INPP5F: variants seen among roughly 807,000 people sequenced by gnomAD.
INPP5F encodes inositol polyphosphate-5-phosphatase F.
Under a neutral mutation model 137.2 loss-of-function variants are expected in INPP5F, and 97 were observed. The ratio of observed to expected loss-of-function variants is 0.71; its 90% CI spans 0.60 to 0.84. The LOEUF is 0.84. Ranked by LOEUF, INPP5F falls within the 40% of genes least tolerant of loss-of-function variation. The pLI is 0.00. For synonymous variants in INPP5F, 504 were observed against 476.9 expected (o/e 1.06, Z -0.74); for missense variants, 1,271 against 1,371.9 (o/e 0.93, Z 1.16).
chr10:119,745,799 G>T (rs1197495240), intron 1 of INPP5F, among the ~76,000 whole-genome samples: 2 of 149,670 alleles, frequency 1.3e-5, no homozygotes, highest in Non-Finnish European at 3.0e-5. Flanking sequence ...CCACCTCCTG[G>T]GTTCAAGCGA....
rs142050647 is a variant in INPP5F, at chr10:119,804,216, T to C, written c.1160T>C (p.Ile387Thr). 15 of 1,611,404 alleles carry C rather than the reference T, an allele frequency of 9.3e-6. No individual in the cohort carries two copies. The Admixed American group carries it at 1.3e-4, about 14-fold the overall frequency. The change falls in exon 10 of 20, where the codon ATT (isoleucine) becomes ACT (threonine). Residue 387 changes from isoleucine to threonine, a missense_variant. Physicochemically the swap from Ile to Thr is moderately conservative, Grantham distance 89. Coordinates refer to ENST00000650623, the MANE Select transcript of INPP5F (RefSeq NM_014937.4). ...GACCAGGCAGGAAGAGAGAAGATTA[T>C]TGGCGATGCTTACCTGAAGCAAGTG... ...LVDQAGREKI[I>T]GDAYLKQVLL...
intron 2 of INPP5F, among the ~76,000 whole-genome samples, chr10:119,775,276 G>A (rs1041874497): frequency 6.6e-6 from 1 of 151,780 alleles, no homozygotes; most frequent in African/African-American, 2.4e-5. Flanking sequence ...CTTTTTTTGA[G>A]GCAGCATCTC....
chr10:119,761,029 CTT>C (rs1848994851), intron 2 of INPP5F, among the ~76,000 whole-genome samples: 1 of 152,100 alleles, frequency 6.6e-6, no homozygotes, highest in African/African-American at 2.4e-5. Flanking sequence ...ATAATTTAGA[CTT>C]TTCTAGTTTT....
chr10:119,810,097 C>T lies in INPP5F; in HGVS notation c.1570-3C>T. The T allele has an allele frequency of 6.3e-7, 1 of 1,577,832 alleles. No homozygotes were observed. The highest frequency in any genetic ancestry group is 1.3e-5 in the African/African-American group (1 of 74,276). On this transcript the variant is annotated splice_region_variant and splice_polypyrimidine_tract_variant and intron_variant, in intron 13 of 19. Coordinates refer to ENST00000650623, the MANE Select transcript of INPP5F (RefSeq NM_014937.4). ...GATGTCAAAATCAGTTTTTGTTTGACAGGGTGACTTTACAAGGACAGGAGA... is the reference window on the plus strand; with the variant it reads ...GATGTCAAAATCAGTTTTTGTTTGATAGGGTGACTTTACAAGGACAGGAGA...
chr10:119,804,166 C>G lies in INPP5F; in HGVS notation c.1117-7C>G, dbSNP rs771068371. The G allele has an allele frequency of 1.3e-6, 2 of 1,596,938 alleles. No individual in the cohort carries two copies. The highest frequency in any genetic ancestry group is 1.7e-6 in the Non-Finnish European group (2 of 1,170,836). On this transcript the variant is annotated splice_polypyrimidine_tract_variant and splice_region_variant and intron_variant, in intron 9 of 19. Coordinates refer to ENST00000650623, the MANE Select transcript of INPP5F (RefSeq NM_014937.4). Reference sequence around the variant, plus strand: ...ACTAAATTTTTTCTGTTTCTTTGCTCTTATAGGTTATTATTAACTTGGTAG... The same window carrying G: ...ACTAAATTTTTTCTGTTTCTTTGCTGTTATAGGTTATTATTAACTTGGTAG...
chr10:119,732,058 T>A (rs999925515), intron 1 of INPP5F, among the ~76,000 whole-genome samples: 2 of 83,884 alleles, frequency 2.4e-5, no homozygotes, highest in African/African-American at 9.0e-5. Flanking sequence ...TTTTTTTTTT[T>A]AGTGTAGACA....
At chr10:119,811,238 G>A (rs1851016288) in intron 14 of INPP5F, among the ~76,000 whole-genome samples, 1 of 152,146 alleles carries the variant, frequency 6.6e-6, no homozygotes, top group Non-Finnish European at 1.5e-5. Context: ...TCTCTTTCCT[G>A]TGTAGGGCCA....
intron 6 of INPP5F, among the ~76,000 whole-genome samples, chr10:119,793,913 G>A (rs1221452290): frequency 6.6e-6 from 1 of 152,188 alleles, no homozygotes; most frequent in African/African-American, 2.4e-5. Flanking sequence ...CTAAAGTGCT[G>A]GGATTACAGG....
chr10:119,800,265 A>T (rs1047279924), intron 9 of INPP5F, among the ~76,000 whole-genome samples: 10 of 152,074 alleles, frequency 6.6e-5, no homozygotes, highest in African/African-American at 2.2e-4. Context: ...GAGTATATTT[A>T]AAAATGCCTG....
At chr10:119,764,690 TCCTA>T (rs1051973414) in intron 2 of INPP5F, among the ~76,000 whole-genome samples, 2 of 151,614 alleles carry the variant, frequency 1.3e-5, no homozygotes, top group African/African-American at 2.4e-5. Flanking sequence ...CAAGCGATTC[TCCTA>T]CCTCAGCCTC....
At position 119,827,229 on chromosome 10, in the gene INPP5F, A is replaced by G. The variant is rs1248401925; in HGVS notation, c.2848A>G (p.Thr950Ala). The G allele has an allele frequency of 1.9e-6, 3 of 1,613,986 alleles. No individual in the cohort carries two copies. The highest frequency in any genetic ancestry group is 2.5e-6 in the Non-Finnish European group (3 of 1,180,032). ...SPSAGDVHIL[T>A]GFAKPMDIYC... ...TTCTGCTGGCGACGTACACATATTG[A>G]CTGGCTTTGCCAAGCCTATGGATAT... Residue 950 changes from threonine to alanine, a missense_variant, in exon 20 of 20, where the codon ACT becomes GCT. This residue lies in a region of INPP5F where 490 missense variants were observed against 443.7 expected (regional missense o/e 1.10). Coordinates refer to ENST00000650623, the MANE Select transcript of INPP5F (RefSeq NM_014937.4).
chr10:119,778,730 G>A (rs72826424), intron 2 of INPP5F, among the ~76,000 whole-genome samples: 2,510 of 152,016 alleles, frequency 0.017, 35 homozygotes, highest in Middle Eastern at 0.031. Context: ...TAGTGCATAC[G>A]GTTCTTTTTG....
chr10:119,736,275 A>G (rs921025284), intron 1 of INPP5F, among the ~76,000 whole-genome samples: 4 of 152,212 alleles, frequency 2.6e-5, no homozygotes, highest in African/African-American at 9.6e-5. Context: ...TCTTAAGGTA[A>G]TGAGTTTGGA....
chr10:119,766,839 C>T (rs1009742654), intron 2 of INPP5F, among the ~76,000 whole-genome samples: 1 of 152,122 alleles, frequency 6.6e-6, no homozygotes, highest in Non-Finnish European at 1.5e-5. Flanking sequence ...CACAGTGGCT[C>T]ATACCTGTAA....
chr10:119,763,480 AT>A (rs908368767), intron 2 of INPP5F, among the ~76,000 whole-genome samples: 1 of 152,202 alleles, frequency 6.6e-6, no homozygotes, highest in Non-Finnish European at 1.5e-5. Context: ...AATAGTGCAC[AT>A]TCTCTGCCAA....
At chr10:119,746,783 ATT>A (rs35906079) in intron 1 of INPP5F, among the ~76,000 whole-genome samples, 27 of 142,622 alleles carry the variant, frequency 1.9e-4, no homozygotes, top group Admixed American at 2.8e-4. Flanking sequence ...AAGCAGCCAA[ATT>A]TTTTTTTTTT....
chr10:119,737,249 A>G (rs1419903791), intron 1 of INPP5F, among the ~76,000 whole-genome samples: 4 of 152,172 alleles, frequency 2.6e-5, no homozygotes, highest in Admixed American at 6.5e-5. Context: ...TCCCTATATT[A>G]TGAGATCTTT....
chr10:119,810,065 TA>T, intron 13 of INPP5F, 34 bp from the exon 14 acceptor site: 1 of 1,233,196 alleles, frequency 8.1e-7, no homozygotes, highest in Non-Finnish European at 1.2e-6. Context: ...TTCTTGTGTT[TA>T]AATAAGATGT....
intron 9 of INPP5F, among the ~76,000 whole-genome samples, chr10:119,803,794 A>C (rs1472416630): frequency 6.6e-6 from 1 of 152,188 alleles, no homozygotes; most frequent in Non-Finnish European, 1.5e-5. Flanking sequence ...TGCTTTATGT[A>C]CTTCAGCAGC....
Sources: gnomAD v4.1 joint callset for allele counts (sites outside exome capture counted in the v4.1 genomes callset) on GRCh38, gnomAD v4.1.1 for gene constraint, gnomAD v4.1.1 regional missense constraint, MANE v1.5 for transcripts, NCBI Gene and HGNC (gene_info 2026-07-23, HGNC 2026-07-21) for gene names.